GNB4: variants seen among roughly 807,000 people sequenced by gnomAD.
GNB4 encodes guanine nucleotide-binding protein subunit beta-4.
In GNB4, 28 loss-of-function variants were observed where a neutral mutation model predicts 45.2. That is an observed-to-expected ratio of 0.62 (90% CI 0.46 to 0.85). GNB4 has a LOEUF of 0.85. Among genes scored for constraint, GNB4 ranks in the 40% least tolerant of loss-of-function variants. The pLI, the probability that GNB4 is intolerant of heterozygous loss-of-function variation, is 0.00. For missense variants in GNB4, 321 were observed against 425.4 expected (o/e 0.75, Z 2.16); for synonymous variants, 132 against 143.7 (o/e 0.92, Z 0.58).
In GNB4 at chr3:179,416,479, T is replaced by C. The variant is rs749403002; in HGVS notation, c.267+14A>G. 6.9e-7 allele frequency: 1 copy of C among 1,450,858 alleles called. No individual in the cohort carries two copies. Among genetic ancestry groups the C allele is most frequent in the Non-Finnish European group, 9.5e-7 (1 of 1,047,482 alleles). 89.9% of individuals were successfully genotyped at this position (1,450,858 alleles called of 1,614,324 possible). A position where few individuals can be genotyped will look rare whatever the true frequency, so the allele number is the denominator to read the frequency against. ...AATATAAGGTTATTTAAAAGAATTA[T>C]GAAGAAATTCTACCTTATTTGTTGT... On this transcript the variant is annotated intron_variant, in intron 5 of 9. Transcript: ENST00000232564.
intron 2 of GNB4, among the ~76,000 whole-genome samples, chr3:179,422,556 G>A (rs1437730666): frequency 3.3e-5 from 5 of 151,556 alleles, no homozygotes. Flanking sequence ...AGCACCACAA[G>A]AAATAAAAAA....
At chr3:179,499,526 A>C in the GNB4 span, among the ~76,000 whole-genome samples, 1 of 152,188 alleles carries the variant, frequency 6.6e-6, no homozygotes, top group African/African-American at 2.4e-5. Context: ...AGTCTTTGCT[A>C]TTGTGAACAG....
the GNB4 span, among the ~76,000 whole-genome samples, chr3:179,526,193 CAGG>C: frequency 2.0e-5 from 3 of 152,086 alleles, no homozygotes; most frequent in African/African-American, 7.2e-5. Context: ...GTAGCTGAGC[CAGG>C]AGAAGGAATT....
the GNB4 span, among the ~76,000 whole-genome samples, chr3:179,513,935 C>G: frequency 6.6e-6 from 1 of 152,186 alleles, no homozygotes; most frequent in South Asian, 2.1e-4. Flanking sequence ...TCCCTCAACC[C>G]CTACCTGGTA....
chr3:179,414,974 C>T lies in GNB4; in HGVS notation c.341G>A (p.Cys114Tyr). ...AGAGCAGATGTTGTCCAAGCCTCCA[C>T]AGGCAACATAATTACCAGAGGGAGC... ...AYAPSGNYVA[C>Y]GGLDNICSIY... The change falls in exon 6 of 10, where the codon TGT (cysteine) becomes TAT (tyrosine). Residue 114 changes from cysteine (C) to tyrosine (Y), a missense_variant. By Grantham distance (194) the Cys-to-Tyr change is radical (BLOSUM62 -2). Transcript: ENST00000232564. The T allele has an allele frequency of 6.2e-7, 1 of 1,612,532 alleles. No individual in the cohort carries two copies. The highest frequency in any genetic ancestry group is 8.5e-7 in the Non-Finnish European group (1 of 1,178,924).
upstream of GNB4, among the ~76,000 whole-genome samples, chr3:179,453,746 A>G (rs1331111946): frequency 6.6e-6 from 1 of 152,208 alleles, no homozygotes; most frequent in African/African-American, 2.4e-5. Flanking sequence ...CTAGAAGAAT[A>G]AAGTCCAAGT....
chr3:179,481,189 A>T, the GNB4 span, among the ~76,000 whole-genome samples: 2 of 152,048 alleles, frequency 1.3e-5, no homozygotes, highest in Admixed American at 6.5e-5. Context: ...ATCTTCTGAA[A>T]GACACCAGAA....
intron 1 of GNB4, among the ~76,000 whole-genome samples, chr3:179,443,442 G>C (rs1336866278): frequency 6.6e-6 from 1 of 152,060 alleles, no homozygotes; most frequent in African/African-American, 2.4e-5. Flanking sequence ...GCGAGGCTGA[G>C]GCATGAGAAT....
At chr3:179,509,242 T>A in the GNB4 span, among the ~76,000 whole-genome samples, 17 of 151,646 alleles carry the variant, frequency 1.1e-4, no homozygotes, top group Admixed American at 7.9e-4. Flanking sequence ...ATTGATAAGA[T>A]GATCATGTAG....
chr3:179,470,040 CAATG>C, the GNB4 span, among the ~76,000 whole-genome samples: 1 of 152,122 alleles, frequency 6.6e-6, no homozygotes, highest in Non-Finnish European at 1.5e-5. Context: ...GACATGGTAA[CAATG>C]AAGTGCTGTG....
At chr3:179,461,779 C>A in the GNB4 span, among the ~76,000 whole-genome samples, 49,541 of 152,014 alleles carry the variant, frequency 0.33, 8,671 homozygotes, top group African/African-American at 0.46. Flanking sequence ...TTATTAAATT[C>A]TACCTTTCAT....
the GNB4 span, among the ~76,000 whole-genome samples, chr3:179,458,615 A>C: frequency 1.7e-4 from 26 of 152,236 alleles, no homozygotes; most frequent in Admixed American, 1.4e-3. Flanking sequence ...ATAAAATGGC[A>C]TGGTATTTGC....
intron 1 of GNB4, among the ~76,000 whole-genome samples, chr3:179,435,089 T>C (rs1715409116): frequency 6.6e-6 from 1 of 152,098 alleles, no homozygotes; most frequent in Non-Finnish European, 1.5e-5. Flanking sequence ...AAAATGAAGC[T>C]TAGGCAGGTT....
chr3:179,454,564 G>A (rs1287661426), upstream of GNB4, among the ~76,000 whole-genome samples: 4 of 152,166 alleles, frequency 2.6e-5, no homozygotes, highest in Non-Finnish European at 5.9e-5. Flanking sequence ...TCTGAATGCT[G>A]TACTCAGTGA....
At chr3:179,454,493 T>C (rs1715948964), upstream of GNB4, among the ~76,000 whole-genome samples, 1 of 152,112 alleles carries the variant, frequency 6.6e-6, no homozygotes, top group African/African-American at 2.4e-5. Flanking sequence ...TTTTGCAGGG[T>C]GTTTTGCTTC....
chr3:179,436,733 G>A (rs993829844), intron 1 of GNB4, among the ~76,000 whole-genome samples: 1 of 152,304 alleles, frequency 6.6e-6, no homozygotes, highest in East Asian at 1.9e-4. Flanking sequence ...GTGGATAAGA[G>A]AGGAAAACAG....
intron 1 of GNB4, among the ~76,000 whole-genome samples, chr3:179,426,547 C>T (rs1477819249): frequency 4.6e-5 from 7 of 152,178 alleles, no homozygotes; most frequent in Non-Finnish European, 1.0e-4. Context: ...TCAGAGGACA[C>T]CAAGAGACTT....
chr3:179,504,609 G>A, the GNB4 span, among the ~76,000 whole-genome samples: 1 of 152,170 alleles, frequency 6.6e-6, no homozygotes, highest in Non-Finnish European at 1.5e-5. Flanking sequence ...TATCTCTGCA[G>A]GTATTTGGAG....
the GNB4 span, among the ~76,000 whole-genome samples, chr3:179,475,385 C>G: frequency 6.6e-6 from 1 of 152,006 alleles, no homozygotes; most frequent in Non-Finnish European, 1.5e-5. Context: ...TCCCAAAGTG[C>G]TGGGATTACA....
Sources: gnomAD v4.1 joint callset for allele counts (sites outside exome capture counted in the v4.1 genomes callset) on GRCh38, gnomAD v4.1.1 for gene constraint, MANE v1.5 for transcripts, NCBI Gene and HGNC (gene_info 2026-07-23, HGNC 2026-07-21) for gene names.